IMMP2L: variants seen among roughly 807,000 people sequenced by gnomAD.
IMMP2L encodes inner mitochondrial membrane peptidase subunit 2.
In IMMP2L, 18 loss-of-function variants were observed where a neutral mutation model predicts 19.3. That is an observed-to-expected ratio of 0.93 (90% CI 0.64 to 1.38). The LOEUF (loss-of-function observed/expected upper bound fraction) is 1.38. Ranked by LOEUF, IMMP2L falls within the 40% of genes most tolerant of loss-of-function variation. The pLI is 0.00. For synonymous variants in IMMP2L, 76 were observed against 73.0 expected, an observed-to-expected ratio of 1.04 and a Z score of -0.21; for missense variants, 233 against 218.2, an observed-to-expected ratio of 1.07 and a Z score of -0.43.
rs373286068 is a variant in IMMP2L, at chr7:111,501,341, G to A, written c.136-14000C>T. Among the ~76,000 whole-genome samples the A allele has an allele frequency of 1.4e-4, 21 of 152,244 alleles. 1 individual carries two copies. In the East Asian group the frequency reaches 2.7e-3, roughly 20 times the overall value. Reference sequence around the variant, plus strand: ...GACTATGTGAAAAGACCAAATCTACGTCTGATTGGTGTACCTGAAAGTGAC... The same window carrying A: ...GACTATGTGAAAAGACCAAATCTACATCTGATTGGTGTACCTGAAAGTGAC... On this transcript the variant is annotated intron_variant, in intron 2 of 5. Coordinates refer to ENST00000405709, the MANE Select transcript of IMMP2L (RefSeq NM_032549.4).
chr7:111,539,167 G>A (rs1848190943), intron 1 of IMMP2L, among the ~76,000 whole-genome samples: 2 of 61,730 alleles, frequency 3.2e-5, no homozygotes, highest in Non-Finnish European at 6.0e-5. Flanking sequence ...AAGGAAGGAA[G>A]GAAGGAAGGA....
At chr7:111,077,614 T>C (rs778518112) in intron 3 of IMMP2L, among the ~76,000 whole-genome samples, 23 of 152,350 alleles carry the variant, frequency 1.5e-4, no homozygotes, top group Non-Finnish European at 2.6e-4. Flanking sequence ...CCTTAACTCC[T>C]ACCTGCCTCT....
At chr7:111,204,449 T>C (rs1168273398) in intron 3 of IMMP2L, among the ~76,000 whole-genome samples, 1 of 152,102 alleles carries the variant, frequency 6.6e-6, no homozygotes, top group African/African-American at 2.4e-5. Flanking sequence ...GCTGTACAGT[T>C]TTCCAAGCAT....
chr7:111,168,480 T>C (rs1179440001), intron 3 of IMMP2L, among the ~76,000 whole-genome samples: 5 of 151,916 alleles, frequency 3.3e-5, no homozygotes, highest in Non-Finnish European at 7.4e-5. Context: ...CAGCACATCA[T>C]TAATGAAGAA....
intron 5 of IMMP2L, among the ~76,000 whole-genome samples, chr7:110,677,881 G>C (rs1286501455): frequency 6.6e-6 from 1 of 152,148 alleles, no homozygotes; most frequent in Non-Finnish European, 1.5e-5. Flanking sequence ...CAATGGGTGA[G>C]CTTTCTTTGT....
chr7:110,749,347 A>G (rs976287037), intron 5 of IMMP2L, among the ~76,000 whole-genome samples: 1 of 152,166 alleles, frequency 6.6e-6, no homozygotes, highest in Non-Finnish European at 1.5e-5. Context: ...CGATTCCTCA[A>G]GGATCTAGAA....
intron 3 of IMMP2L, among the ~76,000 whole-genome samples, chr7:111,112,733 T>G (rs573385922): frequency 8.5e-5 from 13 of 152,208 alleles, no homozygotes; most frequent in Non-Finnish European, 1.9e-4. Flanking sequence ...AGACAAACAA[T>G]CCCATGCTTA....
At position 110,900,133 on chromosome 7, in the gene IMMP2L, T is replaced by C. The variant is rs117780816; in HGVS notation, c.306-13438A>G. ...CCACTGGGTTCATATGGTATATGTC[T>C]GACCCATAAGAAATTGGATTCAAGA... On this transcript the variant is annotated intron_variant, in intron 4 of 5. Transcript: ENST00000405709. Among the ~76,000 whole-genome samples the C allele has an allele frequency of 4.4e-3, 669 of 152,310 alleles. 2 individuals are homozygous for C. Among genetic ancestry groups the C allele is most frequent in the Non-Finnish European group, 6.3e-3 (426 of 68,010 alleles).
chr7:111,384,051 G>T (rs568652991), intron 3 of IMMP2L, among the ~76,000 whole-genome samples: 77 of 152,124 alleles, frequency 5.1e-4, no homozygotes, highest in Admixed American at 4.4e-3. Flanking sequence ...CACTGAGGTG[G>T]GGGAAACATT....
At chr7:110,725,930 C>CTTATATATA (rs1489822614) in intron 5 of IMMP2L, 2 of 152,200 alleles carry the variant, frequency 1.3e-5, no homozygotes, top group Admixed American at 1.3e-4. Flanking sequence ...TTCTAAAAGT[C>CTTATATATA]TTATATATAT....
At chr7:111,195,907 C>T (rs963004952) in intron 3 of IMMP2L, among the ~76,000 whole-genome samples, 2 of 151,660 alleles carry the variant, frequency 1.3e-5, no homozygotes, top group Non-Finnish European at 2.9e-5. Context: ...TGCTCTATCA[C>T]CAAGGCGGGA....
At chr7:110,916,090 GT>G (rs1750564424) in intron 4 of IMMP2L, among the ~76,000 whole-genome samples, 1 of 152,168 alleles carries the variant, frequency 6.6e-6, no homozygotes, top group African/African-American at 2.4e-5. Context: ...GTTATGTAGA[GT>G]TTTTGGGCTA....
chr7:111,165,872 T>G (rs982853152), intron 3 of IMMP2L, among the ~76,000 whole-genome samples: 3 of 152,022 alleles, frequency 2.0e-5, no homozygotes, highest in Admixed American at 6.6e-5. Flanking sequence ...AGGATTATAG[T>G]GCATTCTCAA....
At chr7:110,978,483 G>C (rs1327987295) in intron 3 of IMMP2L, among the ~76,000 whole-genome samples, 1 of 151,742 alleles carries the variant, frequency 6.6e-6, no homozygotes, top group African/African-American at 2.4e-5. Flanking sequence ...ATTCCTTGTG[G>C]TGCCCATTAC....
intron 3 of IMMP2L, among the ~76,000 whole-genome samples, chr7:111,407,718 T>C (rs531295998): frequency 6.6e-6 from 1 of 152,176 alleles, no homozygotes; most frequent in African/African-American, 2.4e-5. Flanking sequence ...ATTCCAAAAT[T>C]GGATTACAGT....
chr7:110,896,113 G>A (rs900278449), intron 4 of IMMP2L, among the ~76,000 whole-genome samples: 38 of 152,142 alleles, frequency 2.5e-4, no homozygotes, highest in African/African-American at 9.2e-4. Flanking sequence ...AAAAGTAATT[G>A]AGGTTTTTGA....
chr7:111,038,275 A>G (rs544559094), intron 3 of IMMP2L, among the ~76,000 whole-genome samples: 1 of 152,046 alleles, frequency 6.6e-6, no homozygotes, highest in African/African-American at 2.4e-5. Context: ...TGGGGGTGGT[A>G]AAAATGAAAG....
intron 3 of IMMP2L, among the ~76,000 whole-genome samples, chr7:111,206,490 AT>A (rs1284256270): frequency 3.3e-5 from 5 of 151,602 alleles, no homozygotes; most frequent in South Asian, 2.1e-4. Context: ...TGCTCTTCAG[AT>A]TTTTTTTTAA....
At chr7:111,326,667 C>T (rs955994961) in intron 3 of IMMP2L, among the ~76,000 whole-genome samples, 4 of 151,730 alleles carry the variant, frequency 2.6e-5, no homozygotes, top group Non-Finnish European at 5.9e-5. Flanking sequence ...GCTAGGATGG[C>T]TGTTACCAAA....
Sources: allele counts gnomAD v4.1 joint callset (sites outside exome capture counted in the v4.1 genomes callset), GRCh38; gene constraint gnomAD v4.1.1; transcripts MANE v1.5; gene names NCBI Gene and HGNC (gene_info 2026-07-23, HGNC 2026-07-21).